Variants in SPAG17 observed in about 807,000 individuals in gnomAD.
SPAG17 encodes sperm associated antigen 17.
In SPAG17, 169 loss-of-function variants were observed where a neutral mutation model predicts 273.6. The observed-to-expected ratio is 0.62, with a 90% CI of 0.55 to 0.70. The LOEUF (loss-of-function observed/expected upper bound fraction) is 0.70. Ranked by LOEUF, SPAG17 falls within the 30% of genes least tolerant of loss-of-function variation. SPAG17 has a pLI of 0.00. For synonymous variants in SPAG17, 825 were observed against 873.2 expected (o/e 0.94, Z 0.97); for missense variants, 2,557 against 2,627.8 (o/e 0.97, Z 0.59).
chr1:118,080,187 G>C (rs1189787204), intron 15 of SPAG17, among the ~76,000 whole-genome samples: 1 of 152,160 alleles, frequency 6.6e-6, no homozygotes, highest in Non-Finnish European at 1.5e-5. Context: ...TTATAGGAGT[G>C]AGCCACAGCA....
rs370208203 is a variant in SPAG17, at chr1:118,091,729, T to C, written c.1247-11A>G. 6 of 1,530,108 alleles carry C rather than the reference T, an allele frequency of 3.9e-6. No individual in the cohort carries two copies. The highest frequency in any genetic ancestry group is 2.3e-5 in the South Asian group (2 of 88,638). 94.8% of individuals were successfully genotyped at this position (1,530,108 alleles called of 1,614,324 possible). A position where few individuals can be genotyped will look rare whatever the true frequency, so the allele number is the denominator to read the frequency against. On this transcript the variant is annotated splice_polypyrimidine_tract_variant and intron_variant, in intron 9 of 48. Transcript: ENST00000336338. ...TGATGACTGAAGTCACTGTAAAATATAGAAAATACCATTGCCCAATTAAGT... is the reference window on the plus strand; with the variant it reads ...TGATGACTGAAGTCACTGTAAAATACAGAAAATACCATTGCCCAATTAAGT...
chr1:118,115,471 T>C, intron 3 of SPAG17, 30 bp from the exon 4 acceptor site: 1 of 1,594,618 alleles, frequency 6.3e-7, no homozygotes, highest in Non-Finnish European at 8.5e-7. Flanking sequence ...TTAGAAAAAG[T>C]GATGTTTTAT....
chr1:118,108,333 T>C (rs955788180), intron 4 of SPAG17, among the ~76,000 whole-genome samples: 7 of 152,188 alleles, frequency 4.6e-5, no homozygotes, highest in African/African-American at 1.4e-4. Flanking sequence ...GGAAAATCAT[T>C]TCCTATCTTT....
intron 38 of SPAG17, among the ~76,000 whole-genome samples, chr1:117,989,608 C>T (rs1252040254): frequency 6.6e-6 from 1 of 152,140 alleles, no homozygotes; most frequent in Non-Finnish European, 1.5e-5. Context: ...CAGGGTCTTG[C>T]TCTGTTGCAC....
chr1:117,968,194 A>T (rs1355808762), intron 46 of SPAG17, among the ~76,000 whole-genome samples: 1 of 152,180 alleles, frequency 6.6e-6, no homozygotes, highest in Non-Finnish European at 1.5e-5. Flanking sequence ...AAGTCTACAG[A>T]TTATATTTTT....
chr1:118,057,997 A>C (rs181136641), intron 18 of SPAG17, among the ~76,000 whole-genome samples: 1 of 152,218 alleles, frequency 6.6e-6, no homozygotes, highest in Admixed American at 6.5e-5. Flanking sequence ...TAAACTTAGA[A>C]TATTCAGTCT....
intron 10 of SPAG17, among the ~76,000 whole-genome samples, chr1:118,088,672 G>T (rs562191195): frequency 6.6e-6 from 1 of 151,490 alleles, no homozygotes; most frequent in African/African-American, 2.4e-5. Flanking sequence ...AACAAGAATA[G>T]GCAATTGTAA....
intron 35 of SPAG17, among the ~76,000 whole-genome samples, chr1:117,993,697 CAATT>C (rs1221351233): frequency 3.3e-5 from 5 of 152,142 alleles, no homozygotes; most frequent in African/African-American, 9.7e-5. Flanking sequence ...AACATTATCT[CAATT>C]AACACTACTA....
chr1:118,174,379 G>A (rs1660579495), intron 1 of SPAG17, among the ~76,000 whole-genome samples: 1 of 152,040 alleles, frequency 6.6e-6, no homozygotes, highest in African/African-American at 2.4e-5. Context: ...TGAGACAGAG[G>A]AAATAATCAG....
intron 3 of SPAG17, among the ~76,000 whole-genome samples, chr1:118,132,451 C>A (rs186281205): frequency 6.6e-6 from 1 of 152,170 alleles, no homozygotes; most frequent in Non-Finnish European, 1.5e-5. Context: ...TATATAATCT[C>A]TTTATGAATT....
intron 16 of SPAG17, 38 bp from the exon 17 acceptor site, chr1:118,074,005 G>T: frequency 6.9e-7 from 1 of 1,459,820 alleles, no homozygotes; most frequent in Non-Finnish European, 9.2e-7. Flanking sequence ...GCTTTAATTT[G>T]TTTAAGTCCA....
intron 25 of SPAG17, among the ~76,000 whole-genome samples, chr1:118,029,524 T>C (rs1054557926): frequency 1.3e-5 from 2 of 152,194 alleles, no homozygotes; most frequent in South Asian, 2.1e-4. Flanking sequence ...AATGAGCACA[T>C]ACTGCTTTTG....
chr1:117,956,955 T>A (rs1652289226), intron 48 of SPAG17: 1 of 890,776 alleles, frequency 1.1e-6, no homozygotes, highest in Non-Finnish European at 1.6e-6. Context: ...CTAGGCAAGA[T>A]GTATCCAAGT....
chr1:118,083,407 T>C (rs1415086648), intron 13 of SPAG17, among the ~76,000 whole-genome samples: 5 of 152,068 alleles, frequency 3.3e-5, no homozygotes, highest in African/African-American at 9.7e-5. Flanking sequence ...TGGAAAGCTA[T>C]TGGAATAGTC....
intron 26 of SPAG17, 123 bp downstream of exon 26, chr1:118,028,151 A>G: frequency 1.7e-6 from 2 of 1,175,664 alleles, no homozygotes; most frequent in Non-Finnish European, 2.4e-6. Flanking sequence ...TACAAATGTG[A>G]AAACAGTCTA....
intron 4 of SPAG17, among the ~76,000 whole-genome samples, chr1:118,106,058 A>G (rs1366165812): frequency 2.0e-5 from 3 of 152,156 alleles, no homozygotes; most frequent in African/African-American, 7.2e-5. Context: ...TTGAGGTACT[A>G]CATAAGTTTC....
rs376168199 is a variant in SPAG17 at position 118,028,372 on chromosome 1, G to T, written c.3632C>A (p.Pro1211His). The part of the protein sequence containing the change: ...EKKEEEVEPE[P>H]VLQETLDVPT... ...AACATCCAAAGTCTCTTGTAAAACA[G>T]GTTCTGGTTCTACTTCTTCTTCCTG... Residue 1211 changes from proline to histidine, a missense_variant, in exon 26 of 49, where the codon CCT becomes CAT. Pro to His is a moderately conservative substitution (Grantham distance 77). Coordinates refer to ENST00000336338, the MANE Select transcript of SPAG17 (RefSeq NM_206996.4). 9 of 1,613,662 alleles carry T rather than the reference G, an allele frequency of 5.6e-6. No homozygotes were observed. The highest frequency in any genetic ancestry group is 5.0e-5 in the Admixed American group (3 of 59,958).
chr1:118,000,347 C>T (rs1225858627), intron 32 of SPAG17, among the ~76,000 whole-genome samples: 1 of 152,086 alleles, frequency 6.6e-6, no homozygotes, highest in Non-Finnish European at 1.5e-5. Context: ...TAGTTTTTTC[C>T]AATTCTGTGA....
intron 34 of SPAG17, among the ~76,000 whole-genome samples, chr1:117,996,041 C>T (rs2101675783): frequency 6.6e-6 from 1 of 152,086 alleles, no homozygotes; most frequent in Non-Finnish European, 1.5e-5. Flanking sequence ...TTTGTTTTTT[C>T]TTACCAAGAT....
Sources: gnomAD v4.1 joint callset for allele counts (sites outside exome capture counted in the v4.1 genomes callset) on GRCh38, gnomAD v4.1.1 for gene constraint, MANE v1.5 for transcripts, NCBI Gene and HGNC (gene_info 2026-07-23, HGNC 2026-07-21) for gene names.